CHCHD3: variants seen among roughly 807,000 people sequenced by gnomAD.
The protein encoded by CHCHD3 is coiled-coil-helix-coiled-coil-helix domain containing 3.
A neutral mutation model predicts 38.2 loss-of-function variants in CHCHD3; 20 were observed. The observed-to-expected ratio is 0.52, with a 90% CI of 0.37 to 0.76. CHCHD3 has a LOEUF of 0.76. Among genes scored for constraint, CHCHD3 ranks in the 30% least tolerant of loss-of-function variants. The pLI, the probability that CHCHD3 is intolerant of heterozygous loss-of-function variation, is 0.00. For synonymous variants in CHCHD3, 82 were observed against 100.0 expected (o/e 0.82, Z 1.07); for missense variants, 245 against 279.2 (o/e 0.88, Z 0.87).
chr7:132,908,220 G>C (rs1809844481), intron 4 of CHCHD3, among the ~76,000 whole-genome samples: 1 of 152,188 alleles, frequency 6.6e-6, no homozygotes, highest in African/African-American at 2.4e-5. Flanking sequence ...GTGTTTAAGA[G>C]AATCATGCTG....
intron 3 of CHCHD3, among the ~76,000 whole-genome samples, chr7:132,984,923 C>G (rs1476722282): frequency 1.1e-5 from 1 of 91,686 alleles, no homozygotes; most frequent in Non-Finnish European, 2.4e-5. Context: ...CCCGCCCGGC[C>G]AGCCGCCCCG....
intron 5 of CHCHD3, among the ~76,000 whole-genome samples, chr7:132,876,499 T>C (rs928522892): frequency 6.6e-6 from 1 of 152,198 alleles, no homozygotes; most frequent in Non-Finnish European, 1.5e-5. Context: ...TTTAAAACCA[T>C]CAGGGTAAAC....
intron 3 of CHCHD3, among the ~76,000 whole-genome samples, chr7:132,978,378 C>A (rs2160895): frequency 0.45 from 67,643 of 151,894 alleles, 15,329 homozygotes; most frequent in East Asian, 0.55. Context: ...AGCAGCTAGA[C>A]CCTTTCACAA....
At chr7:132,888,681 T>C (rs148690759) in intron 4 of CHCHD3, among the ~76,000 whole-genome samples, 1 of 152,104 alleles carries the variant, frequency 6.6e-6, no homozygotes, top group Non-Finnish European at 1.5e-5. Flanking sequence ...AAATAAGATA[T>C]AATCTGACAA....
intron 3 of CHCHD3, among the ~76,000 whole-genome samples, chr7:133,018,875 C>CTCTTT (rs769011540): frequency 1.4e-4 from 10 of 70,160 alleles, no homozygotes; most frequent in African/African-American, 5.9e-4. Context: ...CATGATTTCT[C>CTCTTT]TTTTTTTTTT....
chr7:132,827,324 T>G (rs1455766765), intron 6 of CHCHD3, among the ~76,000 whole-genome samples: 3 of 152,246 alleles, frequency 2.0e-5, no homozygotes, highest in Non-Finnish European at 4.4e-5. Flanking sequence ...AAGACATATC[T>G]TGGGGATGGG....
At position 133,035,472 on chromosome 7, in the gene CHCHD3, G is replaced by C. The variant is rs563135795; in HGVS notation, c.170-10845C>G. On this transcript the variant is annotated intron_variant, in intron 2 of 7. Transcript: ENST00000262570. This position sits in a 1 kb window ranked among gnomAD's most constrained non-coding sequence, Gnocchi z 4.7. ...TGTCACTCGTTCGCCCACCAGAAAA[G>C]TCCTCGTCTTCAAGTAAGCATCCAG... The C allele has an allele frequency of 3.1e-6, 5 of 1,613,550 alleles. No individual in the cohort carries two copies. In the East Asian group the frequency reaches 8.9e-5, roughly 29 times the overall value.
intron 4 of CHCHD3, among the ~76,000 whole-genome samples, chr7:132,912,248 A>T (rs1462367882): frequency 6.6e-6 from 1 of 152,206 alleles, no homozygotes; most frequent in Non-Finnish European, 1.5e-5. Flanking sequence ...TTAGAAAATC[A>T]GATTCAACTG....
intron 2 of CHCHD3, among the ~76,000 whole-genome samples, chr7:133,050,605 A>C (rs982299335): frequency 6.6e-6 from 1 of 152,176 alleles, no homozygotes; most frequent in Non-Finnish European, 1.5e-5. Flanking sequence ...TTTCCTTTTT[A>C]TTTATGAACA....
At chr7:133,074,666 T>G (rs1370907147) in intron 1 of CHCHD3, among the ~76,000 whole-genome samples, 1 of 152,120 alleles carries the variant, frequency 6.6e-6, no homozygotes, top group African/African-American at 2.4e-5. Context: ...AATAAAAATA[T>G]CACTTCCTCT....
chr7:132,929,576 A>G (rs1399820492), intron 4 of CHCHD3, among the ~76,000 whole-genome samples: 1 of 152,162 alleles, frequency 6.6e-6, no homozygotes, highest in Non-Finnish European at 1.5e-5. Flanking sequence ...ATATGTTTCC[A>G]ACTTATTTAA....
intron 5 of CHCHD3, among the ~76,000 whole-genome samples, chr7:132,843,018 T>C (rs1807980644): frequency 1.3e-5 from 2 of 152,174 alleles, no homozygotes; most frequent in Non-Finnish European, 2.9e-5. Flanking sequence ...AGTGTTCTGA[T>C]GGTACATAGA....
At chr7:133,056,692 G>T (rs1052212727) in intron 2 of CHCHD3, among the ~76,000 whole-genome samples, 1 of 152,180 alleles carries the variant, frequency 6.6e-6, no homozygotes, top group Non-Finnish European at 1.5e-5. Flanking sequence ...ACAGGTAAAA[G>T]GTGGCAGTGA....
intron 4 of CHCHD3, among the ~76,000 whole-genome samples, chr7:132,932,992 C>G (rs1478018358): frequency 6.6e-6 from 1 of 152,134 alleles, no homozygotes; most frequent in Non-Finnish European, 1.5e-5. Flanking sequence ...AAAAGCAAGG[C>G]TGACACAAAA....
chr7:133,009,945 C>A (rs1812816845), intron 3 of CHCHD3, among the ~76,000 whole-genome samples: 1 of 152,210 alleles, frequency 6.6e-6, no homozygotes, highest in Non-Finnish European at 1.5e-5. Context: ...AACTGAGCAA[C>A]TGTCTCAGGA....
chr7:133,069,143 C>T (rs1008122645), intron 2 of CHCHD3, among the ~76,000 whole-genome samples: 39 of 152,146 alleles, frequency 2.6e-4, no homozygotes, highest in African/African-American at 8.7e-4. Flanking sequence ...ACAAGGAAGG[C>T]ATGCTCACTT....
At chr7:132,992,646 T>C (rs1009760468) in intron 3 of CHCHD3, among the ~76,000 whole-genome samples, 1 of 152,218 alleles carries the variant, frequency 6.6e-6, no homozygotes, top group African/African-American at 2.4e-5. Flanking sequence ...ATACTCCTTA[T>C]GTTATTATTT....
chr7:132,974,093 C>A, intron 4 of CHCHD3: 1 of 1,159,352 alleles, frequency 8.6e-7, no homozygotes, highest in Non-Finnish European at 1.1e-6. Context: ...ATTATTCAGC[C>A]ATTAAAAACT....
At chr7:132,929,915 G>A (rs1810475834) in intron 4 of CHCHD3, among the ~76,000 whole-genome samples, 1 of 152,076 alleles carries the variant, frequency 6.6e-6, no homozygotes. Context: ...ATTATTTCCT[G>A]CATGATGGCT....
Sources: allele counts gnomAD v4.1 joint callset (sites outside exome capture counted in the v4.1 genomes callset), GRCh38; gene constraint gnomAD v4.1.1; non-coding constraint Gnocchi (gnomAD v3.1); transcripts MANE v1.5; gene names NCBI Gene and HGNC (gene_info 2026-07-23, HGNC 2026-07-21).